The following FYB2 variants were observed in gnomAD, a reference collection of about 807,000 sequenced individuals.
FYB2 encodes FYN-binding protein 2.
In FYB2, 103 loss-of-function variants were observed where a neutral mutation model predicts 94.1. The ratio of observed to expected loss-of-function variants is 1.09; its 90% confidence interval spans 0.93 to 1.29. The LOEUF (loss-of-function observed/expected upper bound fraction) is 1.29, where lower values mean the gene tolerates loss of function less well. Among genes scored for constraint, FYB2 ranks in the 50% most tolerant of loss-of-function variants. The pLI, the probability that FYB2 is intolerant of heterozygous loss-of-function variation, is 0.00. For missense variants in FYB2, 896 were observed against 841.5 expected, an observed-to-expected ratio of 1.06 and a Z score of -0.80; for synonymous variants, 293 against 287.9, an observed-to-expected ratio of 1.02 and a Z score of -0.18.
intron 1 of FYB2, among the ~76,000 whole-genome samples, chr1:56,817,644 T>C (rs1416594405): frequency 1.3e-5 from 2 of 152,172 alleles, no homozygotes; most frequent in East Asian, 3.8e-4. Context: ...ATATATTGAA[T>C]AAATGAATAT....
At chr1:56,741,947 A>C (rs747131447) in intron 12 of FYB2, among the ~76,000 whole-genome samples, 1 of 152,018 alleles carries the variant, frequency 6.6e-6, no homozygotes, top group Non-Finnish European at 1.5e-5. Context: ...ATAGTATATG[A>C]TTGTACACAA....
intron 15 of FYB2, among the ~76,000 whole-genome samples, chr1:56,731,076 A>AAAAACAAAAC (rs557464368): frequency 6.6e-6 from 1 of 152,056 alleles, no homozygotes; most frequent in Non-Finnish European, 1.5e-5. Context: ...ACCCTGTTAC[A>AAAAACAAAAC]AAAACAAAAC....
At chr1:56,791,317 A>G (rs1646259518) in intron 2 of FYB2, among the ~76,000 whole-genome samples, 1 of 150,068 alleles carries the variant, frequency 6.7e-6, no homozygotes, top group Admixed American at 6.7e-5. Flanking sequence ...GTGAAGTGGT[A>G]CAATTTTGGC....
chr1:56,777,488 T>C (rs374762057), intron 4 of FYB2, among the ~76,000 whole-genome samples: 7 of 152,228 alleles, frequency 4.6e-5, no homozygotes, highest in African/African-American at 1.7e-4. Flanking sequence ...ACCATCTCTC[T>C]GCTTTTGAAG....
At chr1:56,780,186 C>G (rs1645975319) in intron 4 of FYB2, among the ~76,000 whole-genome samples, 1 of 152,144 alleles carries the variant, frequency 6.6e-6, no homozygotes, top group Non-Finnish European at 1.5e-5. Flanking sequence ...AAGTCTGCAA[C>G]TTGTGATTGT....
At position 56,792,081 on chromosome 1, in the gene FYB2, C is replaced by G. The variant is rs937635129; in HGVS notation, c.732G>C (p.Glu244Asp). ...CTGGGGCCTGACTGGCAAGCTCACA[C>G]TCATAGATGGGCTGGCAGGGGCTGC... ...PASSPCQPIY[E>D]CELASQAPEK... Residue 244 changes from glutamate to aspartate, a missense_variant, in exon 2 of 20, where the codon GAG becomes GAC. Transcript: ENST00000343433. 3.1e-6 allele frequency: 5 copies of G among 1,603,694 alleles called. No homozygotes were observed. In the African/African-American group the frequency reaches 4.0e-5, roughly 13 times the overall value.
intron 9 of FYB2, among the ~76,000 whole-genome samples, chr1:56,745,819 C>T (rs1645054570): frequency 6.6e-6 from 1 of 151,960 alleles, no homozygotes; most frequent in Non-Finnish European, 1.5e-5. Flanking sequence ...CTTGTTATTT[C>T]TGTGACCCCA....
chr1:56,737,181 T>C lies in FYB2; in HGVS notation c.1733-34A>G, dbSNP rs555868626. On this transcript the variant is annotated intron_variant, in intron 14 of 19. Coordinates refer to ENST00000343433, the MANE Select transcript of FYB2 (RefSeq NM_001004303.5). ...AAGACAGAATCAAAATAGTCCATTA[T>C]TAAGCATGGTTTATATAAGCACTGA... 1.3e-5 allele frequency: 19 copies of C among 1,502,798 alleles called. No homozygotes were observed. In the South Asian group the frequency reaches 2.1e-4, roughly 17 times the overall value. The allele number at this position is 1,502,798 out of a possible 1,614,324, so 93.1% of individuals were successfully genotyped here.
At chr1:56,770,117 C>T (rs948111204) in intron 4 of FYB2, among the ~76,000 whole-genome samples, 3 of 152,060 alleles carry the variant, frequency 2.0e-5, no homozygotes, top group Admixed American at 6.5e-5. Context: ...TAGTTTTAGG[C>T]TTTCAGAAAT....
chr1:56,769,622 G>A (rs1298276968), intron 4 of FYB2, among the ~76,000 whole-genome samples: 1 of 152,088 alleles, frequency 6.6e-6, no homozygotes, highest in Non-Finnish European at 1.5e-5. Context: ...GAGCAGGATG[G>A]AGATTTTGAT....
At chr1:56,723,146 T>G (rs1196916919) in intron 17 of FYB2, among the ~76,000 whole-genome samples, 1 of 151,904 alleles carries the variant, frequency 6.6e-6, no homozygotes, top group Admixed American at 6.6e-5. Context: ...GGAACAAACT[T>G]GAATGAGACA....
chr1:56,796,164 T>C (rs1403133714), intron 1 of FYB2, among the ~76,000 whole-genome samples: 1 of 152,208 alleles, frequency 6.6e-6, no homozygotes, highest in Non-Finnish European at 1.5e-5. Context: ...AATTAATGGT[T>C]GGTTTGGGTG....
chr1:56,786,836 A>G (rs967503307), intron 4 of FYB2, among the ~76,000 whole-genome samples: 1 of 152,170 alleles, frequency 6.6e-6, no homozygotes, highest in Non-Finnish European at 1.5e-5. Flanking sequence ...TCCTATTACC[A>G]ATTCCTAACA....
chr1:56,787,664 C>T (rs1176388013), intron 3 of FYB2, among the ~76,000 whole-genome samples: 1 of 152,102 alleles, frequency 6.6e-6, no homozygotes. Context: ...AGTGGTATCC[C>T]CATTTTACAG....
At chr1:56,821,560 T>C (rs959797044), upstream of FYB2, among the ~76,000 whole-genome samples, 2 of 152,204 alleles carry the variant, frequency 1.3e-5, no homozygotes, top group Non-Finnish European at 2.9e-5. Flanking sequence ...TCTGGCAGCG[T>C]TGGCTTAAGG....
chr1:56,806,495 T>C (rs1007221315), intron 1 of FYB2, among the ~76,000 whole-genome samples: 5 of 151,768 alleles, frequency 3.3e-5, no homozygotes, highest in African/African-American at 1.2e-4. Flanking sequence ...AGGGCTAGGG[T>C]GGCCCCTTGA....
At chr1:56,734,235 C>G (rs545569005) in intron 15 of FYB2, among the ~76,000 whole-genome samples, 1 of 151,978 alleles carries the variant, frequency 6.6e-6, no homozygotes, top group Non-Finnish European at 1.5e-5. Flanking sequence ...AGGATTGCAA[C>G]CCCTGCTTTT....
intron 11 of FYB2, among the ~76,000 whole-genome samples, chr1:56,743,762 CTG>C (rs1264635934): frequency 6.6e-6 from 1 of 151,956 alleles, no homozygotes; most frequent in Non-Finnish European, 1.5e-5. Context: ...CAGACTTACA[CTG>C]TGAAAAGATC....
rs1286446560 is a variant in FYB2, at chr1:56,723,654, G to A, written c.1908C>T (p.Thr636=). The A allele has an allele frequency of 6.4e-7, 1 of 1,563,786 alleles. No individual in the cohort carries two copies. The highest frequency in any genetic ancestry group is 8.8e-7 in the Non-Finnish European group (1 of 1,140,460). Residue 636 remains threonine, a synonymous_variant, in exon 17 of 20, where the codon ACC becomes ACT. Transcript: ENST00000343433. Reference sequence around the variant, plus strand: ...TGTTCTTTTCTAAGTTTTGCTTCTTGGTTTTGAAGAAATTTCTAGGAGAGA... The same window carrying A: ...TGTTCTTTTCTAAGTTTTGCTTCTTAGTTTTGAAGAAATTTCTAGGAGAGA... ...ESFSPRNFFK[T]KKQNLEKNRM...
Sources: allele counts gnomAD v4.1 joint callset (sites outside exome capture counted in the v4.1 genomes callset), GRCh38; gene constraint gnomAD v4.1.1; transcripts MANE v1.5; gene names NCBI Gene and HGNC (gene_info 2026-07-23, HGNC 2026-07-21).